The following FGF14 variants were observed in gnomAD, a reference collection of about 807,000 sequenced individuals.
FGF14 encodes fibroblast growth factor 14, also known as fibroblast growth factor homologous factor 4.
Under a neutral mutation model 25.5 loss-of-function variants are expected in FGF14, and 5 were observed. The observed-to-expected ratio is 0.20, with a 90% CI of 0.10 to 0.41. The LOEUF (loss-of-function observed/expected upper bound fraction) is 0.41. Among genes scored for constraint, FGF14 ranks in the 10% least tolerant of loss-of-function variants. FGF14 has a pLI of 1.00. For missense variants in FGF14, 222 were observed against 320.1 expected, an observed-to-expected ratio of 0.69 and a Z score of 2.34; for synonymous variants, 138 against 118.3, an observed-to-expected ratio of 1.17 and a Z score of -1.08.
intron 1 of FGF14, among the ~76,000 whole-genome samples, chr13:102,221,256 G>A (rs1210433181): frequency 1.3e-5 from 2 of 152,078 alleles, no homozygotes; most frequent in East Asian, 3.9e-4. Context: ...GGGATTAAGT[G>A]ATTTTTTTTC....
intron 1 of FGF14, among the ~76,000 whole-genome samples, chr13:102,230,896 C>A (rs1223543512): frequency 6.6e-6 from 1 of 152,106 alleles, no homozygotes; most frequent in African/African-American, 2.4e-5. Context: ...CATTAACATT[C>A]AAACTAATTG....
intron 1 of FGF14, among the ~76,000 whole-genome samples, chr13:102,218,617 A>G (rs1399304402): frequency 6.6e-6 from 1 of 151,996 alleles, no homozygotes; most frequent in African/African-American, 2.4e-5. Context: ...ATTTATTTCT[A>G]TGTTAAAGGG....
At chr13:102,014,370 T>C (rs900667798) in intron 1 of FGF14, among the ~76,000 whole-genome samples, 1 of 152,162 alleles carries the variant, frequency 6.6e-6, no homozygotes, top group Admixed American at 6.5e-5. Context: ...TAATTTCACA[T>C]ATGTATAGAT....
chr13:101,836,057 A>T (rs1041079481), intron 3 of FGF14, among the ~76,000 whole-genome samples: 1 of 152,082 alleles, frequency 6.6e-6, no homozygotes, highest in South Asian at 2.1e-4. Context: ...GACCTGGTGC[A>T]GTGATATGTT....
At chr13:101,816,230 A>C (rs1317716179) in intron 3 of FGF14, among the ~76,000 whole-genome samples, 1 of 148,838 alleles carries the variant, frequency 6.7e-6, no homozygotes, top group Non-Finnish European at 1.5e-5. Flanking sequence ...AGATCGCGCC[A>C]CTGCACTCCA....
chr13:102,305,756 C>T (rs892069753), intron 1 of FGF14, among the ~76,000 whole-genome samples: 3 of 152,118 alleles, frequency 2.0e-5, no homozygotes, highest in Admixed American at 6.6e-5. Context: ...CCCACATTGT[C>T]AACTGCAGTC....
chr13:101,745,032 C>T (rs867464093), intron 3 of FGF14, among the ~76,000 whole-genome samples: 4 of 151,908 alleles, frequency 2.6e-5, no homozygotes, highest in Non-Finnish European at 5.9e-5. Flanking sequence ...AATCATATGC[C>T]GCTCCTGATT....
chr13:101,826,267 C>T (rs900744453), intron 3 of FGF14, among the ~76,000 whole-genome samples: 2 of 152,012 alleles, frequency 1.3e-5, no homozygotes, highest in African/African-American at 2.4e-5. Context: ...CCCCCGTCCC[C>T]GATACACAGA....
At chr13:102,077,468 A>C (rs973295786) in intron 1 of FGF14, among the ~76,000 whole-genome samples, 2 of 152,180 alleles carry the variant, frequency 1.3e-5, no homozygotes, top group African/African-American at 4.8e-5. Context: ...GAAATTCTTA[A>C]AAACAGGTAA....
intron 1 of FGF14, among the ~76,000 whole-genome samples, chr13:102,276,353 G>GTATATATATA (rs10574334): frequency 9.7e-6 from 1 of 103,296 alleles, no homozygotes; most frequent in Admixed American, 9.7e-5. Flanking sequence ...GTGTGTGTGT[G>GTATATATATA]TATATATATA....
chr13:102,313,272 G>A (rs2055861318), intron 1 of FGF14, among the ~76,000 whole-genome samples: 1 of 152,168 alleles, frequency 6.6e-6, no homozygotes, highest in African/African-American at 2.4e-5. Flanking sequence ...CTCACACACA[G>A]GGAAAGCAGC....
At chr13:102,201,192 A>G (rs2049628809) in intron 1 of FGF14, among the ~76,000 whole-genome samples, 1 of 150,736 alleles carries the variant, frequency 6.6e-6, no homozygotes, top group Non-Finnish European at 1.5e-5. Flanking sequence ...TGAGAATGCT[A>G]AAATTTAAGA....
At position 101,717,144 on chromosome 13, in the gene FGF14, G is replaced by A. The variant is rs1200344415; in HGVS notation, c.*5687C>T. On this transcript the variant is annotated 3_prime_UTR_variant, in exon 5 of 5. Coordinates refer to ENST00000376143, the MANE Select transcript of FGF14 (RefSeq NM_004115.4). ...TTATTTTAATGATGTAAATATTCTA[G>A]TCATGGCTTAAACTTTATAAGTCAA... The A allele has an allele frequency of 1.3e-5, 2 of 151,960 alleles. No homozygotes were observed. The highest frequency in any genetic ancestry group is 2.9e-5 in the Non-Finnish European group (2 of 67,972). 9.4% of individuals were successfully genotyped at this position (151,960 alleles called of 1,614,324 possible).
chr13:102,027,415 G>T (rs1000277963), intron 1 of FGF14, among the ~76,000 whole-genome samples: 1 of 151,674 alleles, frequency 6.6e-6, no homozygotes, highest in Non-Finnish European at 1.5e-5. Context: ...GAGAAAGGGG[G>T]ATACATAAGC....
chr13:102,355,811 CGATT>C (rs997933410), intron 1 of FGF14, among the ~76,000 whole-genome samples: 2 of 151,834 alleles, frequency 1.3e-5, no homozygotes, highest in African/African-American at 4.8e-5. Flanking sequence ...ATTCTTCCTT[CGATT>C]AATTTTTCTA....
At chr13:102,219,620 A>G (rs950191876) in intron 1 of FGF14, among the ~76,000 whole-genome samples, 2 of 152,214 alleles carry the variant, frequency 1.3e-5, no homozygotes, top group Non-Finnish European at 2.9e-5. Context: ...GGAAGGCTGG[A>G]TTACCATTTT....
intron 1 of FGF14, among the ~76,000 whole-genome samples, chr13:102,013,509 G>A (rs569672619): frequency 3.9e-5 from 6 of 152,244 alleles, no homozygotes; most frequent in South Asian, 4.1e-4. Context: ...CTGCTGTCTC[G>A]CTATGGAGCT....
intron 1 of FGF14, among the ~76,000 whole-genome samples, chr13:102,108,915 T>A (rs2045071167): frequency 6.6e-6 from 1 of 152,212 alleles, no homozygotes. Flanking sequence ...CTTTTATACG[T>A]ATAATGTCAA....
rs184759400 is a variant in FGF14 at position 101,872,446 on chromosome 13, A to G, written c.304+2740T>C. Among the ~76,000 whole-genome samples the G allele has an allele frequency of 4.6e-5, 7 of 152,012 alleles. No homozygotes were observed. In the East Asian group the frequency reaches 7.9e-4, roughly 17 times the overall value. ...ACAACAAAAGAGCTGTACTCTAAGT[A>G]GGACCTGACAGCCTTTCTAAAGCAC... On this transcript the variant is annotated intron_variant, in intron 2 of 4. Transcript: ENST00000376143.
Sources: allele counts gnomAD v4.1 joint callset (sites outside exome capture counted in the v4.1 genomes callset), GRCh38; gene constraint gnomAD v4.1.1; transcripts MANE v1.5; gene names NCBI Gene and HGNC (gene_info 2026-07-23, HGNC 2026-07-21).